The following ZFAND3 variants were observed in gnomAD, a reference collection of about 807,000 sequenced individuals.
The protein encoded by ZFAND3 is AN1-type zinc finger protein 3.
ZFAND3 carries 10 observed loss-of-function variants against 29.6 expected under a neutral mutation model. The observed-to-expected ratio is 0.34, with a 90% CI of 0.21 to 0.57. The LOEUF is 0.57. Among genes scored for constraint, ZFAND3 ranks in the 20% least tolerant of loss-of-function variants. ZFAND3 has a pLI of 0.86. For synonymous variants in ZFAND3, 128 were observed against 112.6 expected (o/e 1.14, Z -0.87); for missense variants, 230 against 304.5 (o/e 0.76, Z 1.82).
intron 5 of ZFAND3, among the ~76,000 whole-genome samples, chr6:38,123,194 A>C (rs1765566782): frequency 6.6e-6 from 1 of 152,238 alleles, no homozygotes; most frequent in Non-Finnish European, 1.5e-5. Flanking sequence ...AGGAATATGC[A>C]TGTGTCACAA....
At chr6:38,061,843 A>G (rs1764247427) in intron 3 of ZFAND3, 68 bp downstream of exon 3, 1 of 1,536,082 alleles carries the variant, frequency 6.5e-7, no homozygotes, top group Non-Finnish European at 8.8e-7. Context: ...CATCTTGGTA[A>G]TGCCTGACCC....
intron 2 of ZFAND3, among the ~76,000 whole-genome samples, chr6:38,043,826 T>G (rs901027138): frequency 5.3e-5 from 8 of 151,980 alleles, no homozygotes; most frequent in Admixed American, 2.6e-4. Flanking sequence ...ATTTATTTAT[T>G]TAGAGACGAA....
At position 38,154,164 on chromosome 6, in the gene ZFAND3, T is replaced by C; in HGVS notation, c.*1775T>C. On this transcript the variant is annotated 3_prime_UTR_variant, in exon 6 of 6. Coordinates refer to ENST00000287218, the MANE Select transcript of ZFAND3 (RefSeq NM_021943.3). ...TACCACTGCTGTCAAGCCACAGCCC[T>C]TGGCCACCATACGGGCCATCCTCAG... is the stretch of plus-strand genomic sequence containing the variant. The C allele has an allele frequency of 4.1e-6, 4 of 985,626 alleles. No homozygotes were observed. Among genetic ancestry groups the C allele is most frequent in the Non-Finnish European group, 4.8e-6 (4 of 830,064 alleles). 61.1% of individuals were successfully genotyped at this position (985,626 alleles called of 1,614,324 possible). A position where few individuals can be genotyped will look rare whatever the true frequency, so the allele number is the denominator to read the frequency against.
chr6:38,093,389 CTA>C (rs143506422), intron 4 of ZFAND3, among the ~76,000 whole-genome samples: 1 of 152,222 alleles, frequency 6.6e-6, no homozygotes, highest in African/African-American at 2.4e-5. Context: ...TTGATTGAAA[CTA>C]TTTTCAGTTT....
chr6:38,103,585 T>C (rs1765151526), intron 4 of ZFAND3, among the ~76,000 whole-genome samples: 1 of 143,584 alleles, frequency 7.0e-6, no homozygotes, highest in African/African-American at 2.6e-5. Flanking sequence ...GTTTCTCTCT[T>C]TTGGCAGATG....
rs1229034910 is a variant in ZFAND3, at chr6:38,153,823, T to C, written c.*1434T>C. 17 of 985,386 alleles carry C rather than the reference T, an allele frequency of 1.7e-5. No individual in the cohort carries two copies. The highest frequency in any genetic ancestry group is 2.0e-5 in the Non-Finnish European group (17 of 829,940). 61.0% of individuals were successfully genotyped at this position (985,386 alleles called of 1,614,324 possible). A position where few individuals can be genotyped will look rare whatever the true frequency, so the allele number is the denominator to read the frequency against. On this transcript the variant is annotated 3_prime_UTR_variant, in exon 6 of 6. Transcript: ENST00000287218. ...TAGTGCCGCATCAGATCCAGGTGGG[T>C]GAGGGCAGGAGGCCCCTGCGGAGGC...
At chr6:37,926,726 G>A (rs1458295938) in intron 1 of ZFAND3, among the ~76,000 whole-genome samples, 4 of 152,162 alleles carry the variant, frequency 2.6e-5, no homozygotes, top group African/African-American at 9.7e-5. Context: ...CTCAATAAGA[G>A]TAGTTTCACT....
chr6:37,874,850 C>G (rs531580429), intron 1 of ZFAND3, among the ~76,000 whole-genome samples: 3 of 152,282 alleles, frequency 2.0e-5, no homozygotes, highest in South Asian at 4.1e-4. Context: ...GCTGGTATTA[C>G]AGGTGTGAGC....
intron 2 of ZFAND3, among the ~76,000 whole-genome samples, chr6:38,000,742 T>TAGACTAAA (rs1437317019): frequency 1.3e-5 from 2 of 152,204 alleles, no homozygotes; most frequent in Non-Finnish European, 2.9e-5. Context: ...TATCAATATT[T>TAGACTAAA]AGACTAAAAG....
At chr6:38,130,901 ATGTC>A (rs1488841969) in intron 5 of ZFAND3, among the ~76,000 whole-genome samples, 1 of 152,154 alleles carries the variant, frequency 6.6e-6, no homozygotes, top group Non-Finnish European at 1.5e-5. Context: ...TCTTCTTTGA[ATGTC>A]TGGTAGAATT....
chr6:37,823,499 A>G (rs1206657746), intron 1 of ZFAND3, among the ~76,000 whole-genome samples: 1 of 152,184 alleles, frequency 6.6e-6, no homozygotes, highest in Non-Finnish European at 1.5e-5. Flanking sequence ...TTGCCCAGTC[A>G]GGACACTAAT....
chr6:38,077,601 T>C (rs1764580044), intron 3 of ZFAND3, among the ~76,000 whole-genome samples: 1 of 152,232 alleles, frequency 6.6e-6, no homozygotes, highest in Admixed American at 6.5e-5. Flanking sequence ...TCTATTTTTT[T>C]CTAATTGATG....
chr6:38,053,481 C>T (rs770830375), intron 2 of ZFAND3, among the ~76,000 whole-genome samples: 2 of 151,970 alleles, frequency 1.3e-5, no homozygotes, highest in Non-Finnish European at 2.9e-5. Context: ...GCTGGAAGTT[C>T]GAGACCAGCT....
At chr6:37,843,726 CAT>C (rs1466280421) in intron 1 of ZFAND3, among the ~76,000 whole-genome samples, 1 of 151,954 alleles carries the variant, frequency 6.6e-6, no homozygotes, top group Non-Finnish European at 1.5e-5. Flanking sequence ...ACTCAACAAT[CAT>C]TGGTAAATGA....
At chr6:37,904,969 G>A (rs917047998) in intron 1 of ZFAND3, among the ~76,000 whole-genome samples, 3 of 152,126 alleles carry the variant, frequency 2.0e-5, no homozygotes, top group African/African-American at 7.2e-5. Context: ...ATGTGTATGA[G>A]CAGTTGGAAT....
In ZFAND3 at chr6:37,960,042, AT is replaced by A. The variant is rs376229926; in HGVS notation, c.112+30044del. ...GGGGAGGGTAGGCATAAGCATTGAAATAGCAACACAGTATTTCAAGCAAGAC... is the reference window on the plus strand; with the variant it reads ...GGGGAGGGTAGGCATAAGCATTGAAAAGCAACACAGTATTTCAAGCAAGAC... On this transcript the variant is annotated intron_variant, in intron 2 of 5. Coordinates refer to ENST00000287218, the MANE Select transcript of ZFAND3 (RefSeq NM_021943.3). 3.6e-3 allele frequency among the ~76,000 whole-genome samples: 553 copies of A among 152,354 alleles called. 3 individuals are homozygous for A. Among genetic ancestry groups the A allele is most frequent in the Middle Eastern group, 0.014 (4 of 294 alleles).
chr6:38,146,148 A>C (rs1197492369), intron 5 of ZFAND3, among the ~76,000 whole-genome samples: 1 of 143,502 alleles, frequency 7.0e-6, no homozygotes, highest in South Asian at 2.2e-4. Flanking sequence ...CTCTTCTTCC[A>C]TTCCTGTTCC....
intron 5 of ZFAND3, among the ~76,000 whole-genome samples, chr6:38,126,715 T>C (rs1270129668): frequency 6.6e-6 from 1 of 152,190 alleles, no homozygotes; most frequent in African/African-American, 2.4e-5. Context: ...AAGAGTCTGT[T>C]CACACTTTAA....
intron 5 of ZFAND3, among the ~76,000 whole-genome samples, chr6:38,121,800 A>T (rs1486289957): frequency 6.6e-6 from 1 of 152,178 alleles, no homozygotes; most frequent in Non-Finnish European, 1.5e-5. Flanking sequence ...TAGTCAGGGC[A>T]TTCCCTGGTT....
Sources: allele counts gnomAD v4.1 joint callset (sites outside exome capture counted in the v4.1 genomes callset), GRCh38; gene constraint gnomAD v4.1.1; transcripts MANE v1.5; gene names NCBI Gene and HGNC (gene_info 2026-07-23, HGNC 2026-07-21).